The following SH3RF3 variants were observed in gnomAD, a reference collection of about 807,000 sequenced individuals.
SH3RF3 encodes E3 ubiquitin-protein ligase SH3RF3.
Under a neutral mutation model 66.3 loss-of-function variants are expected in SH3RF3, and 29 were observed. The observed-to-expected ratio is 0.44, with a 90% CI of 0.33 to 0.60. The LOEUF (loss-of-function observed/expected upper bound fraction) is 0.60. Ranked by LOEUF, SH3RF3 falls within the 20% of genes least tolerant of loss-of-function variation. The pLI, the probability that SH3RF3 is intolerant of heterozygous loss-of-function variation, is 0.04. For synonymous variants in SH3RF3, 583 were observed against 532.0 expected (o/e 1.10, Z -1.32); for missense variants, 1,194 against 1,190.9 (o/e 1.00, Z -0.04).
At chr2:109,315,667 A>G (rs1224801535) in intron 1 of SH3RF3, among the ~76,000 whole-genome samples, 2 of 152,240 alleles carry the variant, frequency 1.3e-5, no homozygotes, top group African/African-American at 4.8e-5. Flanking sequence ...CTGGCAGTCT[A>G]TAAAGGGGCG....
intron 8 of SH3RF3, among the ~76,000 whole-genome samples, chr2:109,483,436 A>C (rs1244246121): frequency 6.6e-6 from 1 of 152,130 alleles, no homozygotes; most frequent in East Asian, 1.9e-4. Flanking sequence ...GCCCAGCAAG[A>C]AAAGGTGCTC....
At chr2:109,486,663 C>T (rs139514536) in intron 8 of SH3RF3, among the ~76,000 whole-genome samples, 36 of 152,240 alleles carry the variant, frequency 2.4e-4, no homozygotes, top group Admixed American at 5.9e-4. Context: ...GATGCAGAGC[C>T]GGGCCTTCAC....
intron 1 of SH3RF3, among the ~76,000 whole-genome samples, chr2:109,160,967 G>C (rs369693194): frequency 2.2e-3 from 337 of 152,280 alleles, no homozygotes; most frequent in African/African-American, 7.7e-3. Context: ...GGCGTGGCAG[G>C]GGCTCAGAGA....
At chr2:109,258,418 C>T (rs1182316144) in intron 1 of SH3RF3, among the ~76,000 whole-genome samples, 1 of 152,204 alleles carries the variant, frequency 6.6e-6, no homozygotes. Flanking sequence ...CTCAGAGCCT[C>T]TAGGCTTTGT....
At chr2:109,432,260 G>A (rs1677248251) in intron 5 of SH3RF3, among the ~76,000 whole-genome samples, 1 of 152,146 alleles carries the variant, frequency 6.6e-6, no homozygotes, top group Admixed American at 6.5e-5. Context: ...TAAGGCTGTG[G>A]GTGACAGGCA....
chr2:109,143,285 T>G (rs560876430), intron 1 of SH3RF3, among the ~76,000 whole-genome samples: 6 of 152,222 alleles, frequency 3.9e-5, no homozygotes, highest in Non-Finnish European at 8.8e-5. Flanking sequence ...GTAAGTATCG[T>G]GAAACTGAGG....
chr2:109,465,211 T>G (rs1678310260), intron 8 of SH3RF3, among the ~76,000 whole-genome samples: 1 of 152,258 alleles, frequency 6.6e-6, no homozygotes, highest in African/African-American at 2.4e-5. Flanking sequence ...AGTTTATTTA[T>G]CCATTTACTT....
chr2:109,278,287 G>A (rs1264223185), intron 1 of SH3RF3, among the ~76,000 whole-genome samples: 1 of 152,186 alleles, frequency 6.6e-6, no homozygotes, highest in Non-Finnish European at 1.5e-5. Flanking sequence ...AGGGCCCCGT[G>A]CTTCAGCCAC....
chr2:109,489,661 G>A (rs1679075473), intron 8 of SH3RF3, among the ~76,000 whole-genome samples: 1 of 150,904 alleles, frequency 6.6e-6, no homozygotes, highest in East Asian at 2.0e-4. Flanking sequence ...TGCCCTGGGG[G>A]CCTCGGGGCC....
chr2:109,432,483 C>T lies in SH3RF3; in HGVS notation c.1404-18C>T, dbSNP rs76579681. On this transcript the variant is annotated intron_variant, in intron 5 of 9. Transcript: ENST00000309415. ...CAGGAGGGCTCCCACTGACACTGGC[C>T]CCATGCTTTGCCCGCAGGTACCTGG... is the stretch of plus-strand genomic sequence containing the variant. The T allele has an allele frequency of 3.1e-3, 4,918 of 1,612,344 alleles. 112 individuals carry two copies. In the East Asian group the frequency reaches 0.052, roughly 17 times the overall value.
chr2:109,428,153 A>G (rs1677088050), intron 5 of SH3RF3, among the ~76,000 whole-genome samples: 1 of 152,228 alleles, frequency 6.6e-6, no homozygotes. Flanking sequence ...AATTCGAGCC[A>G]GCGTGGCCCT....
At chr2:109,261,509 C>CT (rs1180388715) in intron 1 of SH3RF3, among the ~76,000 whole-genome samples, 7 of 152,136 alleles carry the variant, frequency 4.6e-5, no homozygotes, top group Non-Finnish European at 8.8e-5. Context: ...AGCCTCCCAC[C>CT]TGTGTGTGCA....
At chr2:109,498,192 C>T (rs553852783) in intron 9 of SH3RF3, among the ~76,000 whole-genome samples, 70 of 152,280 alleles carry the variant, frequency 4.6e-4, no homozygotes, top group Non-Finnish European at 8.2e-4. Context: ...GAGTCTGGTT[C>T]GCCGGCAGAT....
intron 1 of SH3RF3, among the ~76,000 whole-genome samples, chr2:109,329,151 C>T (rs1197153292): frequency 2.6e-5 from 4 of 152,188 alleles, no homozygotes; most frequent in African/African-American, 4.8e-5. Context: ...TGGTTTCTCT[C>T]GTGTGGTTTC....
chr2:109,198,698 A>AT (rs1678565936), intron 1 of SH3RF3, among the ~76,000 whole-genome samples: 1 of 152,146 alleles, frequency 6.6e-6, no homozygotes, highest in Non-Finnish European at 1.5e-5. Flanking sequence ...TGTCTCTTAA[A>AT]AGGGGACTAA....
chr2:109,179,407 G>C (rs967775159), intron 1 of SH3RF3, among the ~76,000 whole-genome samples: 1 of 152,140 alleles, frequency 6.6e-6, no homozygotes, highest in Admixed American at 6.6e-5. Context: ...GTGGTGGCTC[G>C]GAGCTGGGGG....
intron 8 of SH3RF3, among the ~76,000 whole-genome samples, chr2:109,465,232 A>C (rs1390942213): frequency 2.0e-5 from 3 of 152,244 alleles, no homozygotes; most frequent in African/African-American, 7.2e-5. Flanking sequence ...ACCAAAGGAC[A>C]TCTTAGTTGC....
intron 1 of SH3RF3, among the ~76,000 whole-genome samples, chr2:109,292,409 T>G (rs1681206963): frequency 6.6e-6 from 1 of 152,210 alleles, no homozygotes; most frequent in African/African-American, 2.4e-5. Flanking sequence ...TAATGCTATG[T>G]TTAATTGGAA....
intron 1 of SH3RF3, among the ~76,000 whole-genome samples, chr2:109,269,383 A>G (rs541462520): frequency 4.6e-4 from 70 of 152,268 alleles, no homozygotes; most frequent in African/African-American, 1.7e-3. Context: ...TTTCCAGAAA[A>G]CACTGGTGCT....
Sources: gnomAD v4.1 joint callset for allele counts (sites outside exome capture counted in the v4.1 genomes callset) on GRCh38, gnomAD v4.1.1 for gene constraint, MANE v1.5 for transcripts, NCBI Gene and HGNC (gene_info 2026-07-23, HGNC 2026-07-21) for gene names.